The following ZFHX3 variants were observed in gnomAD, a reference collection of about 807,000 sequenced individuals.
The protein encoded by ZFHX3 is zinc finger homeobox protein 3.
In ZFHX3, 42 loss-of-function variants were observed where a neutral mutation model predicts 279.1. The observed-to-expected ratio is 0.15, with a 90% confidence interval of 0.12 to 0.19. ZFHX3 has a LOEUF of 0.19. ZFHX3 is among the 10% of genes least tolerant of loss of function. The pLI is 1.00. For missense variants in ZFHX3, 4,981 were observed against 4,754.0 expected, an observed-to-expected ratio of 1.05 and a Z score of -1.40; for synonymous variants, 2,293 against 1,957.8, an observed-to-expected ratio of 1.17 and a Z score of -4.52.
Position 72,812,042 on chromosome 16 carries a change from A to G in ZFHX3, c.3530-4T>C. ...TTCTCTGCTTGGCTGGACGATGCTA[A>G]AAGAGAAAGTAGAAGATGCAATACA... On this transcript the variant is annotated splice_region_variant and splice_polypyrimidine_tract_variant and intron_variant, in intron 5 of 9. Transcript: ENST00000268489. The G allele has an allele frequency of 6.2e-7, 1 of 1,613,946 alleles. No individual in the cohort carries two copies. Among genetic ancestry groups the G allele is most frequent in the Non-Finnish European group, 8.5e-7 (1 of 1,179,930 alleles).
At position 72,797,836 on chromosome 16, in the gene ZFHX3, T is replaced by A; in HGVS notation, c.4846A>T (p.Arg1616Trp). 1 of 1,614,142 alleles carries A rather than the reference T, an allele frequency of 6.2e-7. No individual in the cohort carries two copies. Among genetic ancestry groups the A allele is most frequent in the Non-Finnish European group, 8.5e-7 (1 of 1,180,036 alleles). ...SQSSTLEIHM[R>W]SVLHQTKARA... The stretch of plus-strand genomic sequence containing the variant: ...GCCTTGGTTTGATGTAACACAGACC[T>A]CATATGGATCTCCAGAGTGGAACTC... The change falls in exon 9 of 10, where the codon AGG (arginine) becomes TGG (tryptophan). Residue 1616 changes from arginine to tryptophan, a missense_variant. Physicochemically the swap from Arg to Trp is moderately radical, Grantham distance 101. Transcript: ENST00000268489.
At chr16:73,707,533 T>A (rs2053316373) in intron 1 of ZFHX3, among the ~76,000 whole-genome samples, 1 of 129,318 alleles carries the variant, frequency 7.7e-6, no homozygotes, top group Non-Finnish European at 1.5e-5. Context: ...AGGTGGGAAC[T>A]GAACAATGAG....
chr16:73,210,812 C>A (rs1468370603), intron 5 of ZFHX3, among the ~76,000 whole-genome samples: 1 of 152,078 alleles, frequency 6.6e-6, no homozygotes, highest in Non-Finnish European at 1.5e-5. Context: ...AGGAAAGAGG[C>A]AGAAGCATCT....
intron 3 of ZFHX3, among the ~76,000 whole-genome samples, chr16:73,424,006 C>T (rs2017765904): frequency 6.6e-6 from 1 of 152,084 alleles, no homozygotes; most frequent in Non-Finnish European, 1.5e-5. Flanking sequence ...GCTAACACAT[C>T]AAGGAGAGCA....
Position 73,571,895 on chromosome 16 carries a change from T to A in ZFHX3, c.-1547+108285A>T, listed in dbSNP as rs560774008. On this transcript the variant is annotated intron_variant, in intron 2 of 17. Coordinates refer to the ZFHX3 transcript ENST00000641206. ...GAACTGTAAATACATAATTCATATA[T>A]TAATATGATAAAATATATAAGATCA... Among the ~76,000 whole-genome samples, 327 of 152,216 alleles carry A rather than the reference T, an allele frequency of 2.1e-3. No homozygotes were observed. The Middle Eastern group carries it at 0.054, about 25-fold the overall frequency.
intron 5 of ZFHX3, among the ~76,000 whole-genome samples, chr16:73,236,566 C>A (rs1027941092): frequency 4.1e-4 from 63 of 152,142 alleles, no homozygotes; most frequent in African/African-American, 1.4e-3. Context: ...CCACTGCACC[C>A]CAGCCTGGGC....
intron 1 of ZFHX3, among the ~76,000 whole-genome samples, chr16:73,742,825 C>T (rs754724081): frequency 1.3e-5 from 2 of 152,174 alleles, no homozygotes; most frequent in Non-Finnish European, 2.9e-5. Context: ...AGGGTATACA[C>T]CTTTCCATGA....
intron 1 of ZFHX3, among the ~76,000 whole-genome samples, chr16:73,834,751 C>T (rs111498869): frequency 6.6e-6 from 1 of 152,328 alleles, no homozygotes; most frequent in African/African-American, 2.4e-5. Flanking sequence ...TTTAGCTGGG[C>T]ATGGTGGCGC....
chr16:73,621,969 A>T lies in ZFHX3; in HGVS notation c.-1547+58211T>A, dbSNP rs565834364. On this transcript the variant is annotated intron_variant, in intron 2 of 17. Transcript: ENST00000641206. Reference sequence around the variant, plus strand: ...GAATTCTACATCAACAGGAAACTGGAGAGATGGACACAGCCCTTCCCTGAA... The same window carrying T: ...GAATTCTACATCAACAGGAAACTGGTGAGATGGACACAGCCCTTCCCTGAA... Among the ~76,000 whole-genome samples, 18 of 152,320 alleles carry T rather than the reference A, an allele frequency of 1.2e-4. No homozygotes were observed. The South Asian group carries it at 3.7e-3, about 32-fold the overall frequency.
chr16:73,035,316 C>A (rs1055701732), intron 1 of ZFHX3, among the ~76,000 whole-genome samples: 1 of 152,172 alleles, frequency 6.6e-6, no homozygotes, highest in Non-Finnish European at 1.5e-5. Context: ...AAATTACCTA[C>A]GTGGCTTACA....
At chr16:73,576,245 G>A (rs1439796638) in intron 2 of ZFHX3, among the ~76,000 whole-genome samples, 1 of 152,088 alleles carries the variant, frequency 6.6e-6, no homozygotes, top group African/African-American at 2.4e-5. Flanking sequence ...AATCAGCAGG[G>A]CCCACATCAA....
In ZFHX3 at chr16:73,334,810, C is replaced by CTTTTTTTTTTTTTTTTTTTTTTTTTTTTT. The variant is rs368597124; in HGVS notation, c.-1290-16475_-1290-16474insAAAAAAAAAAAAAAAAAAAAAAAAAAAAA. Among the ~76,000 whole-genome samples the CTTTTTTTTTTTTTTTTTTTTTTTTTTTTT allele has an allele frequency of 4.1e-4, 24 of 57,916 alleles. 4 individuals are homozygous for CTTTTTTTTTTTTTTTTTTTTTTTTTTTTT. The highest frequency in any genetic ancestry group is 6.2e-4 in the Non-Finnish European group (18 of 29,186). 38.0% of individuals were successfully genotyped at this position (57,916 alleles called of 152,430 possible). A position where few individuals can be genotyped will look rare whatever the true frequency, so the allele number is the denominator to read the frequency against. Reference sequence around the variant, plus strand: ...TCTTTTCCTCCTTTTCTTTCTCATTCTTTTTTTTTTTTTTTTTTTTTTTTT... The same window carrying CTTTTTTTTTTTTTTTTTTTTTTTTTTTTT: ...TCTTTTCCTCCTTTTCTTTCTCATTCTTTTTTTTTTTTTTTTTTTTTTTTTTTTTTTTTTTTTTTTTTTTTTTTTTTTTT... On this transcript the variant is annotated intron_variant, in intron 3 of 17. Coordinates refer to the ZFHX3 transcript ENST00000641206.
chr16:72,985,799 G>C (rs1159732724), intron 1 of ZFHX3, among the ~76,000 whole-genome samples: 1 of 152,074 alleles, frequency 6.6e-6, no homozygotes, highest in Non-Finnish European at 1.5e-5. Flanking sequence ...CGCCCAACCA[G>C]GGAAGGCACA....
chr16:72,949,173 G>A (rs1042206443), intron 3 of ZFHX3, among the ~76,000 whole-genome samples: 2 of 152,200 alleles, frequency 1.3e-5, no homozygotes, highest in South Asian at 2.1e-4. Flanking sequence ...GGCAGAGGCC[G>A]ACATGGGCAA....
intron 2 of ZFHX3, among the ~76,000 whole-genome samples, chr16:73,673,535 G>A (rs1038558863): frequency 6.6e-6 from 1 of 151,746 alleles, no homozygotes; most frequent in African/African-American, 2.4e-5. Flanking sequence ...TCTGCCACCC[G>A]AGATAAAAAA....
chr16:73,842,570 G>A (rs1482036139), intron 1 of ZFHX3, among the ~76,000 whole-genome samples: 1 of 152,060 alleles, frequency 6.6e-6, no homozygotes, highest in East Asian at 1.9e-4. Flanking sequence ...CTCCTCTTGG[G>A]ATGCAGTCAG....
intron 3 of ZFHX3, among the ~76,000 whole-genome samples, chr16:72,891,755 G>A (rs1161817586): frequency 6.6e-6 from 1 of 152,154 alleles, no homozygotes; most frequent in Admixed American, 6.5e-5. Flanking sequence ...CTGTGATTAC[G>A]TGTCCTTCCT....
intron 7 of ZFHX3, among the ~76,000 whole-genome samples, chr16:73,103,754 C>A (rs1338912712): frequency 6.6e-6 from 1 of 151,592 alleles, no homozygotes; most frequent in African/African-American, 2.4e-5. Context: ...GGCCTCAATG[C>A]CTGTCCATCT....
chr16:73,441,946 T>A (rs1156332817), intron 3 of ZFHX3, among the ~76,000 whole-genome samples: 1 of 152,204 alleles, frequency 6.6e-6, no homozygotes, highest in Non-Finnish European at 1.5e-5. Flanking sequence ...AATGGTGGAA[T>A]GCGACATCGT....
Sources: allele counts gnomAD v4.1 joint callset (sites outside exome capture counted in the v4.1 genomes callset), GRCh38; gene constraint gnomAD v4.1.1; transcripts MANE v1.5; gene names NCBI Gene and HGNC (gene_info 2026-07-23, HGNC 2026-07-21).